ARHGAP24: variants seen among roughly 807,000 people sequenced by gnomAD.
ARHGAP24 encodes rho GTPase-activating protein 24.
In ARHGAP24, 50 loss-of-function variants were observed where a neutral mutation model predicts 76.4. That is an observed-to-expected ratio of 0.65 (90% confidence interval 0.52 to 0.83). The LOEUF (loss-of-function observed/expected upper bound fraction) is 0.83, where lower values mean the gene tolerates loss of function less well. Ranked by LOEUF, ARHGAP24 falls within the 40% of genes least tolerant of loss-of-function variation. The probability of loss-of-function intolerance (pLI) is 0.00; values close to 1 mark genes in which losing one functional copy is unlikely to be tolerated. For missense variants in ARHGAP24, 930 were observed against 914.2 expected (o/e 1.02, Z -0.22); for synonymous variants, 345 against 323.3 (o/e 1.07, Z -0.72).
intron 3 of ARHGAP24, among the ~76,000 whole-genome samples, chr4:85,898,744 A>G (rs754159941): frequency 3.3e-5 from 5 of 152,032 alleles, no homozygotes; most frequent in Non-Finnish European, 7.4e-5. Flanking sequence ...ATGTGCATAC[A>G]TTATTTTTTT....
At chr4:85,487,643 CAT>C (rs1198773099) in intron 1 of ARHGAP24, among the ~76,000 whole-genome samples, 13 of 99,048 alleles carry the variant, frequency 1.3e-4, no homozygotes, top group Non-Finnish European at 1.9e-4. Context: ...ATTATATAAA[CAT>C]ATATTTATTA....
At chr4:85,591,010 C>T (rs908185817) in intron 2 of ARHGAP24, among the ~76,000 whole-genome samples, 34 of 143,270 alleles carry the variant, frequency 2.4e-4, no homozygotes, top group Non-Finnish European at 2.7e-4. Context: ...CCATGCAGCA[C>T]TAACCTGTAA....
intron 2 of ARHGAP24, among the ~76,000 whole-genome samples, chr4:85,604,798 G>T (rs892197603): frequency 6.6e-6 from 1 of 152,020 alleles, no homozygotes; most frequent in Non-Finnish European, 1.5e-5. Context: ...ATGTTGGTCA[G>T]GTGGGTCTTG....
At chr4:85,665,702 C>T (rs1282928933) in intron 2 of ARHGAP24, among the ~76,000 whole-genome samples, 10 of 152,164 alleles carry the variant, frequency 6.6e-5, no homozygotes, top group African/African-American at 9.7e-5. Context: ...TCTTTTAGGG[C>T]AGGCCTGGTG....
intron 3 of ARHGAP24, among the ~76,000 whole-genome samples, chr4:85,864,099 A>G (rs1028361278): frequency 1.3e-5 from 2 of 152,102 alleles, no homozygotes; most frequent in Non-Finnish European, 1.5e-5. Flanking sequence ...TACCATACAC[A>G]TGACTGGCAG....
rs866192122 is a variant in ARHGAP24, at chr4:85,643,255, T to G, written c.180+72534T>G. Among the ~76,000 whole-genome samples, 24 of 63,988 alleles carry G rather than the reference T, an allele frequency of 3.8e-4. 2 individuals carry two copies. The highest frequency in any genetic ancestry group is 1.2e-3 in the African/African-American group (18 of 15,374). The allele number at this position is 63,988 out of a possible 152,430, so 42.0% of individuals were successfully genotyped here. On this transcript the variant is annotated intron_variant, in intron 2 of 9. Transcript: ENST00000395184. ...TTGTGTTTTTTTTTTTTTTTTTTTT[T>G]TTTTTTTTTTTTTTGAGACGGAGTC...
At chr4:85,858,568 G>T (rs532879204) in intron 3 of ARHGAP24, among the ~76,000 whole-genome samples, 1 of 152,112 alleles carries the variant, frequency 6.6e-6, no homozygotes, top group Non-Finnish European at 1.5e-5. Context: ...AAAACATAAT[G>T]CTCTATGCAA....
chr4:85,720,300 T>C (rs1434978167), intron 2 of ARHGAP24, among the ~76,000 whole-genome samples: 2 of 152,104 alleles, frequency 1.3e-5, no homozygotes, highest in African/African-American at 2.4e-5. Flanking sequence ...GTCAGAATAT[T>C]CTGGAGAATT....
intron 2 of ARHGAP24, among the ~76,000 whole-genome samples, chr4:85,631,448 G>A (rs1721156783): frequency 6.6e-6 from 1 of 152,012 alleles, no homozygotes; most frequent in Admixed American, 6.6e-5. Flanking sequence ...CTCTTTGGAT[G>A]ATATAGTTTT....
At chr4:85,664,750 C>T (rs1015921952) in intron 2 of ARHGAP24, among the ~76,000 whole-genome samples, 1 of 151,832 alleles carries the variant, frequency 6.6e-6, no homozygotes, top group Non-Finnish European at 1.5e-5. Flanking sequence ...ATCTTTATTT[C>T]TGCCTTCATT....
chr4:85,927,523 A>C (rs1290860697), intron 4 of ARHGAP24, among the ~76,000 whole-genome samples: 1 of 152,218 alleles, frequency 6.6e-6, no homozygotes, highest in Non-Finnish European at 1.5e-5. Context: ...TGTTTAAAAA[A>C]TTCTGAATTG....
intron 4 of ARHGAP24, among the ~76,000 whole-genome samples, chr4:85,932,747 C>T (rs1736411510): frequency 6.6e-6 from 1 of 152,146 alleles, no homozygotes; most frequent in Admixed American, 6.5e-5. Context: ...TGTATTCTGT[C>T]GAAAGGAGAA....
chr4:85,790,732 C>T (rs1728080207), intron 3 of ARHGAP24, among the ~76,000 whole-genome samples: 2 of 152,140 alleles, frequency 1.3e-5, no homozygotes, highest in Admixed American at 1.3e-4. Context: ...CCTGAGTGGG[C>T]TCAAGTTTGA....
chr4:85,639,810 TC>T (rs1211053145), intron 2 of ARHGAP24, among the ~76,000 whole-genome samples: 1 of 152,106 alleles, frequency 6.6e-6, no homozygotes, highest in Non-Finnish European at 1.5e-5. Context: ...TGTAACAGCT[TC>T]AAGGCAAAAG....
chr4:85,501,627 T>C (rs539657326), intron 1 of ARHGAP24, among the ~76,000 whole-genome samples: 7 of 152,358 alleles, frequency 4.6e-5, no homozygotes, highest in South Asian at 2.1e-4. Context: ...ATTAGCACTT[T>C]GTCAGATGGG....
At chr4:85,800,288 G>A (rs529619499) in intron 3 of ARHGAP24, among the ~76,000 whole-genome samples, 26 of 152,218 alleles carry the variant, frequency 1.7e-4, no homozygotes, top group African/African-American at 6.3e-4. Flanking sequence ...TGTTTCCCAG[G>A]TTATTGTGAC....
chr4:85,515,831 C>G (rs930348298), intron 1 of ARHGAP24, among the ~76,000 whole-genome samples: 2 of 152,010 alleles, frequency 1.3e-5, no homozygotes, highest in African/African-American at 4.8e-5. Flanking sequence ...AGGTAAATGC[C>G]TATAGTTTTT....
At chr4:85,662,472 T>G (rs377232237) in intron 2 of ARHGAP24, among the ~76,000 whole-genome samples, 3 of 151,118 alleles carry the variant, frequency 2.0e-5, no homozygotes, top group Admixed American at 6.6e-5. Flanking sequence ...TAGGTTGCCT[T>G]TTCACTCTGA....
chr4:85,526,430 A>G (rs973945294), intron 1 of ARHGAP24, among the ~76,000 whole-genome samples: 12 of 150,072 alleles, frequency 8.0e-5, no homozygotes, highest in African/African-American at 2.2e-4. Context: ...CTTTTTTTTT[A>G]CACTTCAATA....
Sources: allele counts gnomAD v4.1 joint callset (sites outside exome capture counted in the v4.1 genomes callset), GRCh38; gene constraint gnomAD v4.1.1; transcripts MANE v1.5; gene names NCBI Gene and HGNC (gene_info 2026-07-23, HGNC 2026-07-21).